The following RABGAP1L variants were observed in gnomAD, a reference collection of about 807,000 sequenced individuals.
RABGAP1L encodes the protein rab GTPase-activating protein 1-like.
A neutral mutation model predicts 137.7 loss-of-function variants in RABGAP1L; 63 were observed. The observed-to-expected ratio is 0.46, with a 90% confidence interval of 0.37 to 0.56. RABGAP1L has a LOEUF of 0.56. RABGAP1L is among the 20% of genes least tolerant of loss of function. The pLI, the probability that RABGAP1L is intolerant of heterozygous loss-of-function variation, is 0.00. For missense variants in RABGAP1L, 1,095 were observed against 1,244.0 expected (o/e 0.88, Z 1.80); for synonymous variants, 431 against 433.7 (o/e 0.99, Z 0.08).
At chr1:174,585,957 A>AAC (rs1426479041) in intron 13 of RABGAP1L, among the ~76,000 whole-genome samples, 2 of 152,226 alleles carry the variant, frequency 1.3e-5, no homozygotes, top group African/African-American at 4.8e-5. Flanking sequence ...ATTGTGGAAG[A>AAC]CAGTGTGGTG....
At chr1:174,837,591 C>T (rs1692901640) in intron 19 of RABGAP1L, among the ~76,000 whole-genome samples, 1 of 152,162 alleles carries the variant, frequency 6.6e-6, no homozygotes, top group Admixed American at 6.5e-5. Context: ...ATTCCAGTGG[C>T]ATATGGTTAG....
chr1:174,801,163 C>G (rs1688729801), intron 18 of RABGAP1L, among the ~76,000 whole-genome samples: 1 of 152,112 alleles, frequency 6.6e-6, no homozygotes, highest in Non-Finnish European at 1.5e-5. Flanking sequence ...AAATTAAATA[C>G]CCACAATCGC....
intron 17 of RABGAP1L, among the ~76,000 whole-genome samples, chr1:174,719,375 A>G (rs1681300624): frequency 6.6e-6 from 1 of 152,194 alleles, no homozygotes. Flanking sequence ...TCAAATCTAT[A>G]ATAGACTCGA....
At chr1:174,898,007 A>G (rs535658320) in intron 19 of RABGAP1L, 1 of 151,432 alleles carries the variant, frequency 6.6e-6, no homozygotes, top group African/African-American at 2.4e-5. Context: ...GAAAAGGGAG[A>G]TAATTAATTT....
intron 13 of RABGAP1L, among the ~76,000 whole-genome samples, chr1:174,607,946 G>A (rs887654983): frequency 1.3e-5 from 2 of 152,234 alleles, no homozygotes; most frequent in African/African-American, 4.8e-5. Context: ...CCTTACGAAA[G>A]TGTGATTTTG....
chr1:174,772,287 G>T (rs1193647708), intron 18 of RABGAP1L, among the ~76,000 whole-genome samples: 1 of 151,620 alleles, frequency 6.6e-6, no homozygotes, highest in Non-Finnish European at 1.5e-5. Flanking sequence ...AACATAAAAT[G>T]TACAATTTTG....
At chr1:174,323,395 A>G (rs1680181513) in intron 11 of RABGAP1L, among the ~76,000 whole-genome samples, 1 of 152,084 alleles carries the variant, frequency 6.6e-6, no homozygotes, top group African/African-American at 2.4e-5. Flanking sequence ...CAAAATAAAG[A>G]TACTCTCCTT....
At chr1:174,263,275 A>G (rs1673757333) in intron 7 of RABGAP1L, among the ~76,000 whole-genome samples, 1 of 152,200 alleles carries the variant, frequency 6.6e-6, no homozygotes, top group Non-Finnish European at 1.5e-5. Flanking sequence ...ATTGGGCTGT[A>G]ATCCTGCCTT....
intron 13 of RABGAP1L, among the ~76,000 whole-genome samples, chr1:174,617,091 A>G (rs2148246853): frequency 6.6e-6 from 1 of 152,364 alleles, no homozygotes; most frequent in Admixed American, 6.5e-5. Context: ...TCCAGCAGCT[A>G]GGATGTATAT....
chr1:174,596,441 G>A (rs1234560213), intron 13 of RABGAP1L, among the ~76,000 whole-genome samples: 1 of 152,048 alleles, frequency 6.6e-6, no homozygotes, highest in Non-Finnish European at 1.5e-5. Context: ...CACTTCTTTG[G>A]TTAAGTTATT....
At chr1:174,331,920 T>G (rs185168528) in intron 11 of RABGAP1L, among the ~76,000 whole-genome samples, 55 of 150,368 alleles carry the variant, frequency 3.7e-4, no homozygotes, top group African/African-American at 1.3e-3. Flanking sequence ...AGTGAGAACA[T>G]GCGGTGTTTG....
intron 13 of RABGAP1L, among the ~76,000 whole-genome samples, chr1:174,485,467 T>C (rs1659536008): frequency 6.6e-6 from 1 of 152,122 alleles, no homozygotes; most frequent in Admixed American, 6.5e-5. Context: ...ATAATACTAG[T>C]TGTTGGTCTG....
rs181669038 is a variant in RABGAP1L, at chr1:174,345,415, C to T, written c.1466-25564C>T. Among the ~76,000 whole-genome samples, 244 of 152,182 alleles carry T rather than the reference C, an allele frequency of 1.6e-3. 1 individual carries two copies. Among genetic ancestry groups the T allele is most frequent in the Admixed American group, 0.013 (203 of 15,292 alleles). On this transcript the variant is annotated intron_variant, in intron 11 of 25. Coordinates refer to ENST00000681986, the MANE Select transcript of RABGAP1L (RefSeq NM_001366446.1). ...TTTAACAATATTGATTCTTCCAGTG[C>T]GTGAACGTGGAATATCTTTTTATTT...
intron 18 of RABGAP1L, among the ~76,000 whole-genome samples, chr1:174,778,172 A>G (rs1224202158): frequency 6.6e-6 from 1 of 152,224 alleles, no homozygotes; most frequent in Non-Finnish European, 1.5e-5. Flanking sequence ...TCCAAAGGAA[A>G]AAAGATAATA....
intron 18 of RABGAP1L, among the ~76,000 whole-genome samples, chr1:174,804,269 G>GTTTTGTT: frequency 1.8e-5 from 2 of 110,204 alleles, no homozygotes; most frequent in East Asian, 6.9e-4. Flanking sequence ...GTTTTGTTTT[G>GTTTTGTT]TTTTGTTTTT....
At chr1:174,185,251 C>T (rs1412649714) in intron 1 of RABGAP1L, among the ~76,000 whole-genome samples, 2 of 151,988 alleles carry the variant, frequency 1.3e-5, no homozygotes, top group African/African-American at 4.8e-5. Flanking sequence ...AAATGATTGC[C>T]GTTAATAACT....
At chr1:174,249,835 G>T (rs1306073766) in intron 5 of RABGAP1L, among the ~76,000 whole-genome samples, 1 of 151,964 alleles carries the variant, frequency 6.6e-6, no homozygotes, top group Non-Finnish European at 1.5e-5. Flanking sequence ...GTAGAGATGG[G>T]GTTTCACCAT....
intron 12 of RABGAP1L, among the ~76,000 whole-genome samples, chr1:174,377,216 T>C (rs1685621866): frequency 6.7e-6 from 1 of 149,872 alleles, no homozygotes; most frequent in African/African-American, 2.4e-5. Context: ...CAGAAATAAA[T>C]GAAGATATAT....
chr1:174,256,813 G>A (rs1291507314), intron 7 of RABGAP1L, among the ~76,000 whole-genome samples: 1 of 151,870 alleles, frequency 6.6e-6, no homozygotes, highest in Non-Finnish European at 1.5e-5. Context: ...AACCAACCAC[G>A]AAAATATATC....
Sources: gnomAD v4.1 joint callset for allele counts (sites outside exome capture counted in the v4.1 genomes callset) on GRCh38, gnomAD v4.1.1 for gene constraint, MANE v1.5 for transcripts, NCBI Gene and HGNC (gene_info 2026-07-23, HGNC 2026-07-21) for gene names.